RCAN2: variants seen among roughly 807,000 people sequenced by gnomAD.
The protein encoded by RCAN2 is calcipressin-2.
RCAN2 carries 9 observed loss-of-function variants against 23.6 expected under a neutral mutation model. That is an observed-to-expected ratio of 0.38 (90% confidence interval 0.23 to 0.67). The LOEUF (loss-of-function observed/expected upper bound fraction) is 0.67. Ranked by LOEUF, RCAN2 falls within the 30% of genes least tolerant of loss-of-function variation. The pLI, the probability that RCAN2 is intolerant of heterozygous loss-of-function variation, is 0.51. For missense variants in RCAN2, 273 were observed against 302.3 expected (o/e 0.90, Z 0.72); for synonymous variants, 109 against 115.7 (o/e 0.94, Z 0.37).
At chr6:46,382,782 T>C (rs563842144) in intron 2 of RCAN2, among the ~76,000 whole-genome samples, 3 of 152,310 alleles carry the variant, frequency 2.0e-5, no homozygotes, top group East Asian at 3.9e-4. Context: ...TACCCGCATA[T>C]GGAATGGAAA....
chr6:46,475,667 T>C (rs1768694291), intron 1 of RCAN2, among the ~76,000 whole-genome samples: 1 of 152,194 alleles, frequency 6.6e-6, no homozygotes, highest in Admixed American at 6.5e-5. Context: ...GCAGTTGAAA[T>C]GCTGTACTCT....
chr6:46,227,055 T>C (rs1463733899), intron 4 of RCAN2, among the ~76,000 whole-genome samples: 1 of 152,236 alleles, frequency 6.6e-6, no homozygotes, highest in Non-Finnish European at 1.5e-5. Context: ...CATGTGGTTT[T>C]TGTCTTTGGT....
chr6:46,327,899 T>C (rs1444990888), intron 2 of RCAN2, among the ~76,000 whole-genome samples: 1 of 152,224 alleles, frequency 6.6e-6, no homozygotes, highest in Admixed American at 6.5e-5. Flanking sequence ...CACTGTTTCA[T>C]ACTCATGAAA....
chr6:46,315,025 C>A (rs1454342208), intron 2 of RCAN2, among the ~76,000 whole-genome samples: 1 of 152,194 alleles, frequency 6.6e-6, no homozygotes, highest in Non-Finnish European at 1.5e-5. Flanking sequence ...CACACCACTG[C>A]ATTCCAGCCT....
intron 4 of RCAN2, among the ~76,000 whole-genome samples, chr6:46,230,504 C>T (rs1056231993): frequency 6.6e-6 from 1 of 152,310 alleles, no homozygotes; most frequent in South Asian, 2.1e-4. Flanking sequence ...GCCTCCCTGC[C>T]ACCTTGCAGT....
In RCAN2 at chr6:46,477,736, C is replaced by G. The variant is rs569975564; in HGVS notation, c.-3+13437G>C. On this transcript the variant is annotated intron_variant, in intron 1 of 4. Transcript: ENST00000371374. Reference sequence around the variant, plus strand: ...CAAAAATCGATGCCATCCTTTTCTCCCCTCTGTCAGTTGAAGACCCGGCAA... The same window carrying G: ...CAAAAATCGATGCCATCCTTTTCTCGCCTCTGTCAGTTGAAGACCCGGCAA... 6.1e-4 allele frequency among the ~76,000 whole-genome samples: 93 copies of G among 152,274 alleles called. 1 individual carries two copies. In the South Asian group the frequency reaches 0.018, roughly 30 times the overall value.
At chr6:46,410,415 T>C (rs1766514569) in intron 2 of RCAN2, among the ~76,000 whole-genome samples, 1 of 152,198 alleles carries the variant, frequency 6.6e-6, no homozygotes, top group African/African-American at 2.4e-5. Context: ...ATAGACCCTA[T>C]TTTCAATCGT....
At chr6:46,472,504 C>A (rs1264371414) in intron 1 of RCAN2, among the ~76,000 whole-genome samples, 1 of 152,122 alleles carries the variant, frequency 6.6e-6, no homozygotes, top group Non-Finnish European at 1.5e-5. Context: ...GCATCCCATT[C>A]CCCTGTGCTC....
At chr6:46,224,064 A>C (rs564204346) in intron 4 of RCAN2, among the ~76,000 whole-genome samples, 1 of 152,212 alleles carries the variant, frequency 6.6e-6, no homozygotes, top group Non-Finnish European at 1.5e-5. Flanking sequence ...AACATATCAC[A>C]ATATAAAATG....
chr6:46,323,398 A>AG (rs1763682621), intron 2 of RCAN2, among the ~76,000 whole-genome samples: 2 of 151,966 alleles, frequency 1.3e-5, no homozygotes, highest in Admixed American at 6.5e-5. Flanking sequence ...AAAAAAAAAA[A>AG]AGAAAAGAAA....
intron 2 of RCAN2, among the ~76,000 whole-genome samples, chr6:46,280,718 T>C (rs1278247291): frequency 1.3e-5 from 2 of 152,236 alleles, no homozygotes; most frequent in East Asian, 3.8e-4. Flanking sequence ...TCATTCATCA[T>C]AACCAGTGGG....
At chr6:46,350,141 T>C (rs1389391561) in intron 2 of RCAN2, among the ~76,000 whole-genome samples, 1 of 152,224 alleles carries the variant, frequency 6.6e-6, no homozygotes, top group Non-Finnish European at 1.5e-5. Context: ...GGAACAATGA[T>C]GGTTACTGTC....
At chr6:46,456,432 A>G (rs1768033093) in intron 2 of RCAN2, among the ~76,000 whole-genome samples, 1 of 152,224 alleles carries the variant, frequency 6.6e-6, no homozygotes, top group Non-Finnish European at 1.5e-5. Context: ...GGAAACTTTT[A>G]GGAGTTTAAG....
intron 2 of RCAN2, among the ~76,000 whole-genome samples, chr6:46,395,872 A>T (rs559782800): frequency 6.6e-6 from 1 of 152,240 alleles, no homozygotes; most frequent in East Asian, 1.9e-4. Context: ...CCAAATTCTA[A>T]CTGAACAAGC....
intron 2 of RCAN2, among the ~76,000 whole-genome samples, chr6:46,444,717 T>C (rs1417063157): frequency 6.6e-6 from 1 of 152,276 alleles, no homozygotes; most frequent in African/African-American, 2.4e-5. Flanking sequence ...AGCATATTCA[T>C]GGGCCAGGCC....
rs1233471742 is a variant in RCAN2 at position 46,377,300 on chromosome 6, A to G, written c.225+79452T>C. Among the ~76,000 whole-genome samples, 5 of 152,130 alleles carry G rather than the reference A, an allele frequency of 3.3e-5. No individual in the cohort carries two copies. In the East Asian group the frequency reaches 9.7e-4, roughly 29 times the overall value. On this transcript the variant is annotated intron_variant, in intron 2 of 4. Transcript: ENST00000371374. ...CAAGAAAGTAATTCAGACCTTAGAG[A>G]CCTCCTCCAAAGAGCCTAGCAGAAA...
chr6:46,374,637 A>G (rs181000194), intron 2 of RCAN2, among the ~76,000 whole-genome samples: 1 of 152,326 alleles, frequency 6.6e-6, no homozygotes, highest in African/African-American at 2.4e-5. Context: ...AAAGAGGCCT[A>G]AATTTGACAA....
chr6:46,403,666 A>C (rs1376808373), intron 2 of RCAN2, among the ~76,000 whole-genome samples: 1 of 152,142 alleles, frequency 6.6e-6, no homozygotes, highest in Non-Finnish European at 1.5e-5. Flanking sequence ...TGGTTAGATA[A>C]GGTTAGCAGA....
intron 2 of RCAN2, among the ~76,000 whole-genome samples, chr6:46,360,517 G>A (rs955282539): frequency 2.2e-4 from 24 of 110,040 alleles, no homozygotes; most frequent in Non-Finnish European, 3.3e-4. Context: ...CTGGGCGACA[G>A]AGCAAGACTC....
Sources: gnomAD v4.1 joint callset for allele counts (sites outside exome capture counted in the v4.1 genomes callset) on GRCh38, gnomAD v4.1.1 for gene constraint, MANE v1.5 for transcripts, NCBI Gene and HGNC (gene_info 2026-07-23, HGNC 2026-07-21) for gene names.